Variants in CHAT observed in about 807,000 individuals in gnomAD.
CHAT encodes the protein acetyl CoA:choline O-acetyltransferase.
Under a neutral mutation model 76.9 loss-of-function variants are expected in CHAT, and 61 were observed. The ratio of observed to expected loss-of-function variants is 0.79; its 90% CI spans 0.65 to 0.98. The LOEUF is 0.98. CHAT is among the 50% of genes least tolerant of loss of function. The pLI is 0.00. For synonymous variants in CHAT, 407 were observed against 397.4 expected (o/e 1.02, Z -0.29); for missense variants, 946 against 986.9 (o/e 0.96, Z 0.56).
At chr10:49,646,376 G>A in intron 7 of CHAT, 129 bp from the exon 8 acceptor site, 1 of 1,193,202 alleles carries the variant, frequency 8.4e-7, no homozygotes, top group Non-Finnish European at 1.2e-6. Context: ...GGGGGTCAGG[G>A]CTGGCTCAAG....
At chr10:49,612,398 A>C (rs1204722813), upstream of CHAT, 2 of 1,507,680 alleles carry the variant, frequency 1.3e-6, no homozygotes, top group African/African-American at 2.8e-5. Context: ...CTGCTCTGCA[A>C]GCCCACTGGC....
chr10:49,662,762 T>C lies in CHAT; in HGVS notation c.1957T>C (p.Phe653Leu). 1 of 1,614,096 alleles carries C rather than the reference T, an allele frequency of 6.2e-7. No individual in the cohort carries two copies. ...MDETYLMSNR[F>L]VLSTSQVPTT... ...TGAAACCTACCTGATGAGCAACCGG[T>C]TTGTCCTCTCCACTAGCCAGGTACG... The change falls in exon 14 of 15, where the codon TTT (phenylalanine) becomes CTT (leucine). Residue 653 changes from phenylalanine to leucine, a missense_variant. By Grantham distance (22) the Phe-to-Leu change is conservative (BLOSUM62 0). Transcript: ENST00000337653.
rs184357287 is a variant in CHAT, at chr10:49,626,495, C to T, written c.933+842C>T. 2.6e-5 allele frequency among the ~76,000 whole-genome samples: 4 copies of T among 152,308 alleles called. No homozygotes were observed. The East Asian group carries it at 7.7e-4, about 29-fold the overall frequency. The stretch of plus-strand genomic sequence containing the variant: ...CCTCACATTTTTAGTAAGTTGGGAG[C>T]TCTGTGGAGCCCTGACATCTGAGGG... On this transcript the variant is annotated intron_variant, in intron 6 of 14. Coordinates refer to ENST00000337653, the MANE Select transcript of CHAT (RefSeq NM_020549.5).
At chr10:49,618,030 T>C (rs1336294076) in intron 2 of CHAT, among the ~76,000 whole-genome samples, 1 of 152,170 alleles carries the variant, frequency 6.6e-6, no homozygotes, top group Non-Finnish European at 1.5e-5. Flanking sequence ...GGAGGAACCC[T>C]TTACTGTCTC....
chr10:49,624,231 T>C (rs11101186), intron 5 of CHAT, among the ~76,000 whole-genome samples: 72,952 of 152,108 alleles, frequency 0.48, 18,519 homozygotes, highest in South Asian at 0.63. Flanking sequence ...TTTTGTAAAA[T>C]TTGTGAAAAA....
chr10:49,643,541 C>T (rs1839557279), intron 7 of CHAT, among the ~76,000 whole-genome samples: 1 of 152,208 alleles, frequency 6.6e-6, no homozygotes, highest in African/African-American at 2.4e-5. Context: ...AGGGCGAGCA[C>T]TATGGCCATC....
chr10:49,657,287 G>C (rs1315915687), intron 13 of CHAT, among the ~76,000 whole-genome samples: 1 of 152,146 alleles, frequency 6.6e-6, no homozygotes, highest in Non-Finnish European at 1.5e-5. Context: ...AGGTGGAAAG[G>C]CCGAGGGCTG....
At chr10:49,623,607 T>C (rs1367879677) in intron 5 of CHAT, among the ~76,000 whole-genome samples, 1 of 152,148 alleles carries the variant, frequency 6.6e-6, no homozygotes, top group Non-Finnish European at 1.5e-5. Flanking sequence ...CCACACTCGC[T>C]CATCCAAGCC....
intron 7 of CHAT, among the ~76,000 whole-genome samples, chr10:49,642,592 A>G (rs1839520580): frequency 6.6e-6 from 1 of 152,174 alleles, no homozygotes; most frequent in Non-Finnish European, 1.5e-5. Flanking sequence ...GTTAAAAAGG[A>G]GTGTGCCAGG....
At chr10:49,612,455 T>A, upstream of CHAT, 1 of 1,025,284 alleles carries the variant, frequency 9.8e-7, no homozygotes, top group Non-Finnish European at 1.4e-6. Context: ...CCCCAGCCAC[T>A]CCTCAACCTT....
intron 5 of CHAT, among the ~76,000 whole-genome samples, chr10:49,623,917 C>T (rs1295065026): frequency 6.6e-6 from 1 of 152,224 alleles, no homozygotes; most frequent in Non-Finnish European, 1.5e-5. Flanking sequence ...CCTTCTCTGC[C>T]ACAACCTCCT....
At chr10:49,660,424 AGAGT>A (rs1460446989) in intron 13 of CHAT, among the ~76,000 whole-genome samples, 2 of 146,194 alleles carry the variant, frequency 1.4e-5, no homozygotes, top group Non-Finnish European at 3.0e-5. Context: ...CCTAGACGAC[AGAGT>A]GAGACTCCAT....
Position 49,649,866 on chromosome 10 carries a change from ATTTTTTTTTTTTT to A in CHAT, c.1511+246_1511+258del, listed in dbSNP as rs59979541. Among the ~76,000 whole-genome samples the A allele has an allele frequency of 0.44, 52,649 of 118,704 alleles. 10,814 individuals carry two copies. The highest frequency in any genetic ancestry group is 0.58 in the Middle Eastern group (132 of 226). The allele number at this position is 118,704 out of a possible 152,430, so 77.9% of individuals were successfully genotyped here. A position where few individuals can be genotyped will look rare whatever the true frequency, so the allele number is the denominator to read the frequency against. On this transcript the variant is annotated intron_variant, in intron 10 of 14. Transcript: ENST00000337653. ...TTCTCTAAAATGCAAACGCAGGGCT[ATTTTTTTTTTTTT>A]TTTTTTTTTTTTTTTCAGTTTCACC...
intron 13 of CHAT, among the ~76,000 whole-genome samples, chr10:49,659,990 T>C (rs926875594): frequency 6.6e-6 from 1 of 152,242 alleles, no homozygotes; most frequent in African/African-American, 2.4e-5. Context: ...CATAGTACAC[T>C]ACATGACCCA....
chr10:49,659,037 T>C (rs1338853600), intron 13 of CHAT, among the ~76,000 whole-genome samples: 7 of 152,084 alleles, frequency 4.6e-5, no homozygotes, highest in African/African-American at 7.2e-5. Flanking sequence ...AAAATACTCA[T>C]AGCAAAGGAA....
chr10:49,616,012 C>T (rs1360323294), intron 1 of CHAT: 1 of 1,610,664 alleles, frequency 6.2e-7, no homozygotes, highest in Non-Finnish European at 8.5e-7. Flanking sequence ...CCTTTCCCTC[C>T]ACCAACGGAG....
intron 13 of CHAT, among the ~76,000 whole-genome samples, chr10:49,656,586 A>G (rs1175004216): frequency 2.0e-5 from 3 of 152,182 alleles, no homozygotes; most frequent in African/African-American, 7.2e-5. Flanking sequence ...GCAGACACAG[A>G]AGGGAAAGAT....
chr10:49,613,061 C>T (rs1399044652), upstream of CHAT: 2 of 152,296 alleles, frequency 1.3e-5, no homozygotes, highest in African/African-American at 4.8e-5. Context: ...CCACACCAGC[C>T]TCAGAGCTCT....
In CHAT at chr10:49,666,160, C is replaced by G. The variant is rs1175803368; in HGVS notation, c.*1114C>G. On this transcript the variant is annotated 3_prime_UTR_variant, in exon 15 of 15. Transcript: ENST00000337653. ...AGCCTAGAGCAGGGCTCTCTTCTGG[C>G]CTCAGGGACTTAGGGGACAGCTGGC... Among the ~76,000 whole-genome samples the G allele has an allele frequency of 6.6e-6, 1 of 152,144 alleles. No individual in the cohort carries two copies. The highest frequency in any genetic ancestry group is 1.5e-5 in the Non-Finnish European group (1 of 68,032).
Sources: allele counts gnomAD v4.1 joint callset (sites outside exome capture counted in the v4.1 genomes callset), GRCh38; gene constraint gnomAD v4.1.1; transcripts MANE v1.5; gene names NCBI Gene and HGNC (gene_info 2026-07-23, HGNC 2026-07-21).